HECW1: variants seen among roughly 807,000 people sequenced by gnomAD.
The protein encoded by HECW1 is E3 ubiquitin-protein ligase HECW1.
In HECW1, 61 loss-of-function variants were observed where a neutral mutation model predicts 182.3. That is an observed-to-expected ratio of 0.33 (90% CI 0.27 to 0.41). The LOEUF (loss-of-function observed/expected upper bound fraction) is 0.41, where lower values mean the gene tolerates loss of function less well. Ranked by LOEUF, HECW1 falls within the 10% of genes least tolerant of loss-of-function variation. HECW1 has a pLI of 1.00. For missense variants in HECW1, 1,739 were observed against 2,108.9 expected (o/e 0.82, Z 3.44); for synonymous variants, 859 against 832.6 (o/e 1.03, Z -0.55).
chr7:43,398,659 A>T (rs2075309225), intron 7 of HECW1, among the ~76,000 whole-genome samples: 1 of 152,204 alleles, frequency 6.6e-6, no homozygotes, highest in Non-Finnish European at 1.5e-5. Flanking sequence ...CAATGTGTTC[A>T]CCTTGCCCAC....
intron 16 of HECW1, among the ~76,000 whole-genome samples, chr7:43,477,630 G>T (rs2078267891): frequency 6.6e-6 from 1 of 152,024 alleles, no homozygotes; most frequent in African/African-American, 2.4e-5. Flanking sequence ...AATCTGTGTG[G>T]CATGCTATCT....
At chr7:43,496,868 C>T (rs189761150) in intron 19 of HECW1, among the ~76,000 whole-genome samples, 3 of 152,216 alleles carry the variant, frequency 2.0e-5, no homozygotes, top group African/African-American at 7.2e-5. Flanking sequence ...TGGAGGTGGT[C>T]CTTCAACTAG....
At chr7:43,354,230 C>T (rs963069163) in intron 5 of HECW1, among the ~76,000 whole-genome samples, 24 of 143,698 alleles carry the variant, frequency 1.7e-4, no homozygotes, top group African/African-American at 5.8e-4. Context: ...AAATAAATAA[C>T]TAATCCTTCA....
chr7:43,375,685 G>A (rs1290242979), intron 6 of HECW1, among the ~76,000 whole-genome samples: 1 of 152,010 alleles, frequency 6.6e-6, no homozygotes, highest in African/African-American at 2.4e-5. Context: ...TTGAGACCAG[G>A]AGTTCAAGGC....
intron 3 of HECW1, among the ~76,000 whole-genome samples, chr7:43,277,677 C>T (rs771392972): frequency 5.9e-5 from 9 of 152,280 alleles, no homozygotes; most frequent in Non-Finnish European, 1.0e-4. Flanking sequence ...CTTCCTTCTC[C>T]ATTTACCACA....
intron 19 of HECW1, among the ~76,000 whole-genome samples, chr7:43,499,460 C>T (rs1024444734): frequency 4.8e-5 from 7 of 146,454 alleles, no homozygotes; most frequent in African/African-American, 1.7e-4. Context: ...CAGAGCAAGA[C>T]TCTGTCTCAA....
At chr7:43,128,761 A>G (rs1011500238) in intron 2 of HECW1, among the ~76,000 whole-genome samples, 4 of 152,236 alleles carry the variant, frequency 2.6e-5, no homozygotes, top group African/African-American at 4.8e-5. Context: ...ACCATTTTAG[A>G]TGCCATTAAG....
Position 43,119,703 on chromosome 7 carries a change from C to CA in HECW1, c.-32+5312_-32+5313insA, listed in dbSNP as rs1237297896. Reference sequence around the variant, plus strand: ...CAACCCCCGATTTTTGCTCCCTAAACGTGCTTCTCTTCTGGTGTCCTCCAT... The same window carrying CA: ...CAACCCCCGATTTTTGCTCCCTAAACAGTGCTTCTCTTCTGGTGTCCTCCAT... On this transcript the variant is annotated intron_variant, in intron 2 of 29. Transcript: ENST00000395891. 2.9e-4 allele frequency among the ~76,000 whole-genome samples: 37 copies of CA among 127,502 alleles called. No individual in the cohort carries two copies. The East Asian group carries it at 4.0e-3, about 14-fold the overall frequency. The allele number at this position is 127,502 out of a possible 152,430, so 83.6% of individuals were successfully genotyped here.
intron 2 of HECW1, among the ~76,000 whole-genome samples, chr7:43,133,294 AT>A (rs1787161094): frequency 6.6e-6 from 1 of 151,812 alleles, no homozygotes; most frequent in African/African-American, 2.4e-5. Flanking sequence ...CATTTTTATT[AT>A]ACTATGTATT....
chr7:43,406,325 T>C (rs77585946), intron 7 of HECW1, among the ~76,000 whole-genome samples: 20 of 152,316 alleles, frequency 1.3e-4, no homozygotes, highest in African/African-American at 4.3e-4. Context: ...TCCTTTGGCA[T>C]TTGGTGGTCA....
chr7:43,175,783 G>A (rs1263047195), intron 2 of HECW1, among the ~76,000 whole-genome samples: 1 of 152,160 alleles, frequency 6.6e-6, no homozygotes, highest in Admixed American at 6.5e-5. Context: ...CAAACTGCCC[G>A]CTTTGATAAA....
intron 3 of HECW1, among the ~76,000 whole-genome samples, chr7:43,284,047 A>G (rs1177752811): frequency 1.3e-5 from 2 of 152,014 alleles, no homozygotes; most frequent in African/African-American, 2.4e-5. Context: ...CTGGGCTAAT[A>G]ATGGGGTCTC....
At chr7:43,522,988 G>A (rs1337586440) in intron 24 of HECW1, 2 of 434,960 alleles carry the variant, frequency 4.6e-6, no homozygotes, top group Non-Finnish European at 9.1e-6. Context: ...CTTTCCAAAG[G>A]TAGTTCTGCT....
intron 19 of HECW1, among the ~76,000 whole-genome samples, chr7:43,494,283 T>A (rs1055321022): frequency 5.9e-5 from 9 of 152,000 alleles, no homozygotes; most frequent in Non-Finnish European, 1.0e-4. Flanking sequence ...AACATTCACC[T>A]CCTCATACTC....
chr7:43,183,822 AG>A (rs1793097150), intron 2 of HECW1, among the ~76,000 whole-genome samples: 1 of 152,158 alleles, frequency 6.6e-6, no homozygotes, highest in African/African-American at 2.4e-5. Context: ...TATTTTGCTA[AG>A]GATAGAATTT....
chr7:43,270,390 T>TCAGCTAGC (rs1279494005), intron 3 of HECW1, among the ~76,000 whole-genome samples: 1 of 152,172 alleles, frequency 6.6e-6, no homozygotes, highest in Non-Finnish European at 1.5e-5. Flanking sequence ...GATGGAGGTA[T>TCAGCTAGC]CAGCTAGCAA....
chr7:43,420,581 C>G (rs76075983), intron 8 of HECW1, among the ~76,000 whole-genome samples: 2,159 of 152,240 alleles, frequency 0.014, 58 homozygotes, highest in African/African-American at 0.049. Flanking sequence ...CAGTACAAAA[C>G]ATTACCCAAA....
chr7:43,192,743 T>C (rs573470206), intron 2 of HECW1, among the ~76,000 whole-genome samples: 2 of 152,340 alleles, frequency 1.3e-5, no homozygotes, highest in East Asian at 3.9e-4. Context: ...TTAATAGATA[T>C]CTTTCCCCAT....
intron 8 of HECW1, among the ~76,000 whole-genome samples, chr7:43,422,065 C>A (rs528671035): frequency 2.0e-5 from 3 of 152,082 alleles, no homozygotes; most frequent in Non-Finnish European, 2.9e-5. Context: ...AACAGTACAG[C>A]GAGCTCAGGG....
Sources: allele counts gnomAD v4.1 joint callset (sites outside exome capture counted in the v4.1 genomes callset), GRCh38; gene constraint gnomAD v4.1.1; transcripts MANE v1.5; gene names NCBI Gene and HGNC (gene_info 2026-07-23, HGNC 2026-07-21).